The following RAD17 variants were observed in gnomAD, a reference collection of about 807,000 sequenced individuals.
The protein encoded by RAD17 is cell cycle checkpoint protein RAD17.
A neutral mutation model predicts 81.5 loss-of-function variants in RAD17; 31 were observed. The observed-to-expected ratio is 0.38, with a 90% CI of 0.29 to 0.51. The LOEUF (loss-of-function observed/expected upper bound fraction) is 0.51. Ranked by LOEUF, RAD17 falls within the 20% of genes least tolerant of loss-of-function variation. The pLI is 0.88. For synonymous variants in RAD17, 261 were observed against 266.2 expected, an observed-to-expected ratio of 0.98 and a Z score of 0.19; for missense variants, 681 against 781.2, an observed-to-expected ratio of 0.87 and a Z score of 1.53.
chr5:69,396,548 T>TTA lies in RAD17; in HGVS notation c.1572+2_1572+3insTA. ...CAGTGGTTTCTAATAAATAAAAAGGTAAAAAAAAAAAAAAAAATTCTGTAC... is the reference window on the plus strand; with the variant it reads ...CAGTGGTTTCTAATAAATAAAAAGGTTAAAAAAAAAAAAAAAAAATTCTGTAC... On this transcript the variant is annotated splice_region_variant and intron_variant, in intron 16 of 18. Coordinates refer to ENST00000354868, the MANE Select transcript of RAD17 (RefSeq NM_133338.3). The TTA allele has an allele frequency of 7.5e-7, 1 of 1,342,186 alleles. No individual in the cohort carries two copies. Among genetic ancestry groups the TTA allele is most frequent in the Non-Finnish European group, 9.8e-7 (1 of 1,017,466 alleles). 83.1% of individuals were successfully genotyped at this position (1,342,186 alleles called of 1,614,324 possible).
At chr5:69,369,406 A>T, upstream of RAD17, 1 of 1,593,100 alleles carries the variant, frequency 6.3e-7, no homozygotes, top group Admixed American at 1.7e-5. Flanking sequence ...CGATGCCCAG[A>T]GCACTCTGCG....
chr5:69,407,220 C>G (rs1295275612), intron 17 of RAD17, among the ~76,000 whole-genome samples: 3 of 152,040 alleles, frequency 2.0e-5, no homozygotes, highest in Non-Finnish European at 4.4e-5. Context: ...CCAGTCTGGT[C>G]TCAAACTCCT....
chr5:69,370,843 T>G (rs1340760559), intron 1 of RAD17, 192 bp from the exon 2 acceptor site: 1 of 215,632 alleles, frequency 4.6e-6, no homozygotes, highest in African/African-American at 2.4e-5. Flanking sequence ...CAGTATACTT[T>G]CCAATGTATA....
intron 15 of RAD17, among the ~76,000 whole-genome samples, chr5:69,395,328 C>A (rs533730300): frequency 2.2e-4 from 33 of 152,052 alleles, no homozygotes; most frequent in Non-Finnish European, 4.1e-4. Context: ...CTGGGAAACA[C>A]AGCGAGACCC....
chr5:69,381,808 T>C, intron 6 of RAD17, 93 bp from the exon 7 acceptor site: 1 of 891,098 alleles, frequency 1.1e-6, no homozygotes, highest in East Asian at 2.8e-5. Context: ...CAAATATTTA[T>C]AGAAGTAAAT....
chr5:69,384,668 T>G, intron 7 of RAD17, 129 bp from the exon 8 acceptor site: 1 of 860,900 alleles, frequency 1.2e-6, no homozygotes, highest in Non-Finnish European at 1.7e-6. Flanking sequence ...ATTTAAATGA[T>G]TTTTCCTAAT....
intron 1 of RAD17, among the ~76,000 whole-genome samples, chr5:69,370,444 A>G (rs556885725): frequency 3.3e-5 from 5 of 152,004 alleles, no homozygotes; most frequent in Admixed American, 2.6e-4. Flanking sequence ...GGTTCAAGTG[A>G]TTCTCCTGCC....
intron 6 of RAD17, among the ~76,000 whole-genome samples, chr5:69,376,645 T>C (rs758076558): frequency 6.6e-6 from 1 of 152,220 alleles, no homozygotes; most frequent in Non-Finnish European, 1.5e-5. Flanking sequence ...TAAACCTACA[T>C]TGACACATCA....
chr5:69,401,936 G>A lies in RAD17; in HGVS notation c.1693+1767G>A, dbSNP rs543627802. On this transcript the variant is annotated intron_variant, in intron 17 of 18. Transcript: ENST00000354868. ...GGAGAATGGCATGAACCTGGGAGGCGGAGCTTGCAGTGAGCCGAGATTGCA... is the reference window on the plus strand; with the variant it reads ...GGAGAATGGCATGAACCTGGGAGGCAGAGCTTGCAGTGAGCCGAGATTGCA... Among the ~76,000 whole-genome samples the A allele has an allele frequency of 7.7e-5, 11 of 141,938 alleles. No homozygotes were observed. The South Asian group carries it at 9.2e-4, about 12-fold the overall frequency. The allele number at this position is 141,938 out of a possible 152,430, so 93.1% of individuals were successfully genotyped here.
rs142453690 is a variant in RAD17 at position 69,377,343 on chromosome 5, A to G, written c.351+2632A>G. Among the ~76,000 whole-genome samples the G allele has an allele frequency of 1.2e-3, 175 of 148,176 alleles. 2 individuals are homozygous for G. In the East Asian group the frequency reaches 0.02, roughly 17 times the overall value. On this transcript the variant is annotated intron_variant, in intron 6 of 18. Coordinates refer to ENST00000354868, the MANE Select transcript of RAD17 (RefSeq NM_133338.3). Reference sequence around the variant, plus strand: ...TTTTCTCACTTAGCAATACTCTGTCAGTATAAACATTGTCACATCATAAAC... The same window carrying G: ...TTTTCTCACTTAGCAATACTCTGTCGGTATAAACATTGTCACATCATAAAC...
At chr5:69,372,880 A>T (rs572211695) in intron 4 of RAD17, among the ~76,000 whole-genome samples, 19 of 152,220 alleles carry the variant, frequency 1.2e-4, no homozygotes, top group African/African-American at 4.6e-4. Context: ...AATGTGCTGG[A>T]ATTATAGGTG....
At chr5:69,374,253 C>T (rs1325159296) in intron 5 of RAD17, among the ~76,000 whole-genome samples, 166 bp downstream of exon 5, 1 of 152,066 alleles carries the variant, frequency 6.6e-6, no homozygotes, top group Non-Finnish European at 1.5e-5. Flanking sequence ...AGATTTTTCT[C>T]AATAGTTATT....
Position 69,382,130 on chromosome 5 carries a change from T to TATGAGTGCATTTTTTCCCATACTTCTTGC in RAD17, c.508+74_508+102dup, listed in dbSNP as rs1419432302. The stretch of plus-strand genomic sequence containing the variant: ...TTAAGGGAGCTTTCAGATAAAGTTC[T>TATGAGTGCATTTTTTCCCATACTTCTTGC]ATGAGTGCATTTTTTCCCATACTTC... On this transcript the variant is annotated intron_variant, in intron 7 of 18. Coordinates refer to ENST00000354868, the MANE Select transcript of RAD17 (RefSeq NM_133338.3). 2.2e-5 allele frequency: 33 copies of TATGAGTGCATTTTTTCCCATACTTCTTGC among 1,481,308 alleles called. No individual in the cohort carries two copies. In the African/African-American group the frequency reaches 4.7e-4, roughly 21 times the overall value. 91.8% of individuals were successfully genotyped at this position (1,481,308 alleles called of 1,614,324 possible). A position where few individuals can be genotyped will look rare whatever the true frequency, so the allele number is the denominator to read the frequency against.
At position 69,369,919 on chromosome 5, in the gene RAD17, T is replaced by G; in HGVS notation, c.-431T>G. On this transcript the variant is annotated 5_prime_UTR_variant, in exon 1 of 19. It removes an upstream start codon present in the reference 5' UTR. Coordinates refer to ENST00000354868, the MANE Select transcript of RAD17 (RefSeq NM_133338.3). Reference sequence around the variant, plus strand: ...CCTCCGCTCTTCGCCTAAAAGGGGATGCAGCTCCGGGAAAGTAAGGCCGCC... The same window carrying G: ...CCTCCGCTCTTCGCCTAAAAGGGGAGGCAGCTCCGGGAAAGTAAGGCCGCC... The G allele has an allele frequency of 1.8e-6, 1 of 566,450 alleles. No individual in the cohort carries two copies. Among genetic ancestry groups the G allele is most frequent in the Admixed American group, 3.3e-5 (1 of 30,052 alleles). The allele number at this position is 566,450 out of a possible 1,614,324, so 35.1% of individuals were successfully genotyped here. A position where few individuals can be genotyped will look rare whatever the true frequency, so the allele number is the denominator to read the frequency against.
chr5:69,407,562 GTTTTTTTT>G (rs550222595), intron 17 of RAD17, among the ~76,000 whole-genome samples: 13 of 40,922 alleles, frequency 3.2e-4, no homozygotes, highest in African/African-American at 1.2e-3. Flanking sequence ...CTATGTCCAA[GTTTTTTTT>G]TTTTTTTTTT....
chr5:69,403,622 A>G (rs1765410450), intron 17 of RAD17, among the ~76,000 whole-genome samples: 1 of 152,198 alleles, frequency 6.6e-6, no homozygotes, highest in African/African-American at 2.4e-5. Context: ...GGTCAACTCT[A>G]TCTTTAAAAT....
At chr5:69,370,655 T>G (rs576345906) in intron 1 of RAD17, 1 of 152,792 alleles carries the variant, frequency 6.5e-6, no homozygotes, top group Admixed American at 6.5e-5. Flanking sequence ...GGTCTGCATC[T>G]TTTATTTCGA....
Position 69,414,536 on chromosome 5 carries a change from CAG to C in RAD17, c.*245_*246del. Reference sequence around the variant, plus strand: ...ATCTGTGAGTGGTTTAAGGAGCGGTCAGTGTGTATAAAGTGTGTTTGAACATT... The same window carrying C: ...ATCTGTGAGTGGTTTAAGGAGCGGTCTGTGTATAAAGTGTGTTTGAACATT... On this transcript the variant is annotated 3_prime_UTR_variant, in exon 19 of 19. Transcript: ENST00000354868. 1.8e-6 allele frequency: 1 copy of C among 570,564 alleles called. No homozygotes were observed. 35.3% of individuals were successfully genotyped at this position (570,564 alleles called of 1,614,324 possible). A position where few individuals can be genotyped will look rare whatever the true frequency, so the allele number is the denominator to read the frequency against.
intron 17 of RAD17, among the ~76,000 whole-genome samples, chr5:69,403,896 G>A (rs951363304): frequency 2.6e-5 from 4 of 152,152 alleles, no homozygotes; most frequent in Admixed American, 1.3e-4. Flanking sequence ...ACTCTAGCCT[G>A]TCTAGCTTGG....
Sources: allele counts gnomAD v4.1 joint callset (sites outside exome capture counted in the v4.1 genomes callset), GRCh38; gene constraint gnomAD v4.1.1; transcripts MANE v1.5; gene names NCBI Gene and HGNC (gene_info 2026-07-23, HGNC 2026-07-21).